The following SSH2 variants were observed in gnomAD, a reference collection of about 807,000 sequenced individuals.
SSH2 encodes protein phosphatase Slingshot homolog 2.
SSH2 carries 37 observed loss-of-function variants against 135.2 expected under a neutral mutation model. The observed-to-expected ratio is 0.27, with a 90% CI of 0.21 to 0.36. The LOEUF (loss-of-function observed/expected upper bound fraction) is 0.36. Ranked by LOEUF, SSH2 falls within the 10% of genes least tolerant of loss-of-function variation. The pLI is 1.00. For missense variants in SSH2, 1,408 were observed against 1,765.3 expected (o/e 0.80, Z 3.63); for synonymous variants, 628 against 646.2 (o/e 0.97, Z 0.43).
chr17:29,747,572 G>A (rs2040803478), intron 3 of SSH2, among the ~76,000 whole-genome samples: 1 of 152,176 alleles, frequency 6.6e-6, no homozygotes, highest in South Asian at 2.1e-4. Flanking sequence ...AGGCCTTGAT[G>A]TTCTTAGCAT....
At position 29,660,269 on chromosome 17, in the gene SSH2, C is replaced by T. The variant is rs910635608; in HGVS notation, c.1033-4662G>A. ...ATTAGGGCCAACTGCCTAACCTCTC[C>T]TTTTTTTTTTTTTTTTAGATTGCAG... On this transcript the variant is annotated intron_variant, in intron 11 of 15. Coordinates refer to ENST00000540801, the MANE Select transcript of SSH2 (RefSeq NM_001282129.2). Among the ~76,000 whole-genome samples, 12 of 140,414 alleles carry T rather than the reference C, an allele frequency of 8.5e-5. No homozygotes were observed. In the East Asian group the frequency reaches 1.7e-3, roughly 19 times the overall value. The allele number at this position is 140,414 out of a possible 152,430, so 92.1% of individuals were successfully genotyped here. A position where few individuals can be genotyped will look rare whatever the true frequency, so the allele number is the denominator to read the frequency against.
intron 3 of SSH2, among the ~76,000 whole-genome samples, chr17:29,724,636 C>G (rs962657736): frequency 8.3e-6 from 1 of 121,196 alleles, no homozygotes; most frequent in African/African-American, 3.3e-5. Flanking sequence ...ATTGCCCAGG[C>G]TGGAGTGCAG....
chr17:29,687,655 C>T (rs1226777905), intron 5 of SSH2, among the ~76,000 whole-genome samples: 2 of 152,166 alleles, frequency 1.3e-5, no homozygotes, highest in African/African-American at 2.4e-5. Context: ...AATCCTGGTG[C>T]AGGTAAACTG....
chr17:29,879,248 G>A (rs905244295), intron 1 of SSH2, among the ~76,000 whole-genome samples: 6 of 151,962 alleles, frequency 3.9e-5, no homozygotes, highest in East Asian at 3.9e-4. Context: ...GGATATACAC[G>A]GACTCAGCCA....
intron 1 of SSH2, among the ~76,000 whole-genome samples, chr17:29,922,191 T>G (rs2066987852): frequency 6.6e-6 from 1 of 152,132 alleles, no homozygotes; most frequent in South Asian, 2.1e-4. Flanking sequence ...CATGTCAGCT[T>G]AACTGTGAGC....
At chr17:29,772,588 G>A (rs1396852187) in intron 3 of SSH2, among the ~76,000 whole-genome samples, 1 of 152,116 alleles carries the variant, frequency 6.6e-6, no homozygotes, top group African/African-American at 2.4e-5. Context: ...CTCTGAGGCT[G>A]TTTCCAGAGA....
intron 1 of SSH2, among the ~76,000 whole-genome samples, chr17:29,898,191 T>G (rs1026466984): frequency 6.6e-6 from 1 of 151,848 alleles, no homozygotes; most frequent in African/African-American, 2.4e-5. Flanking sequence ...GATCTAAAAT[T>G]GACACCCTAA....
chr17:29,653,204 GA>G (rs1598727964), intron 12 of SSH2, among the ~76,000 whole-genome samples: 1 of 152,114 alleles, frequency 6.6e-6, no homozygotes, highest in African/African-American at 2.4e-5. Context: ...AGATTGGATG[GA>G]AATGGCCTTA....
chr17:29,887,779 T>C (rs1032556174), intron 1 of SSH2, among the ~76,000 whole-genome samples: 1 of 152,230 alleles, frequency 6.6e-6, no homozygotes, highest in Non-Finnish European at 1.5e-5. Flanking sequence ...GGTTAGGGAA[T>C]GCTATTACTA....
At chr17:29,729,686 T>C (rs1341859811) in intron 3 of SSH2, among the ~76,000 whole-genome samples, 1 of 152,144 alleles carries the variant, frequency 6.6e-6, no homozygotes, top group African/African-American at 2.4e-5. Flanking sequence ...ATTCATACAA[T>C]GGGGTACTAT....
intron 6 of SSH2, among the ~76,000 whole-genome samples, chr17:29,679,660 C>T (rs2037885397): frequency 2.0e-5 from 3 of 152,314 alleles, no homozygotes; most frequent in Admixed American, 1.3e-4. Context: ...CCCGCCTTGG[C>T]CTCCCAAAGT....
intron 1 of SSH2, among the ~76,000 whole-genome samples, chr17:29,856,799 T>A (rs895754823): frequency 1.3e-5 from 2 of 152,192 alleles, no homozygotes; most frequent in African/African-American, 4.8e-5. Context: ...TGTGTGTAGA[T>A]GTTCTTTCTC....
chr17:29,886,216 C>G (rs565691773), intron 1 of SSH2, among the ~76,000 whole-genome samples: 2 of 152,160 alleles, frequency 1.3e-5, no homozygotes, highest in Admixed American at 1.3e-4. Context: ...ATGGCTTTGA[C>G]CAAAATGCTC....
intron 3 of SSH2, among the ~76,000 whole-genome samples, chr17:29,709,034 A>AGAGAGAGG (rs2039338245): frequency 6.8e-6 from 1 of 146,664 alleles, no homozygotes; most frequent in Non-Finnish European, 1.5e-5. Context: ...AGAGAGAGAG[A>AGAGAGAGG]GAGAGAGAGA....
chr17:29,923,324 A>T (rs181539506), intron 1 of SSH2, among the ~76,000 whole-genome samples: 3 of 152,140 alleles, frequency 2.0e-5, no homozygotes, highest in African/African-American at 7.2e-5. Flanking sequence ...GTAATTTATA[A>T]TAGAAAAAAA....
At chr17:29,834,271 C>T (rs1445947699) in intron 2 of SSH2, among the ~76,000 whole-genome samples, 2 of 151,990 alleles carry the variant, frequency 1.3e-5, no homozygotes, top group East Asian at 1.9e-4. Flanking sequence ...GTTTTTACCT[C>T]TCAAACAGGC....
chr17:29,639,530 C>T (rs2036060593), intron 14 of SSH2: 1 of 152,558 alleles, frequency 6.6e-6, no homozygotes, highest in Non-Finnish European at 1.5e-5. Context: ...TCAGCTCCCC[C>T]TGCCTGTCTG....
At chr17:29,902,934 T>C (rs1226198064) in intron 1 of SSH2, among the ~76,000 whole-genome samples, 2 of 152,022 alleles carry the variant, frequency 1.3e-5, no homozygotes, top group Non-Finnish European at 2.9e-5. Flanking sequence ...ACCTGTAATA[T>C]GAACACTTTG....
intron 2 of SSH2, among the ~76,000 whole-genome samples, chr17:29,812,390 TC>T (rs1328976709): frequency 6.6e-6 from 1 of 151,982 alleles, no homozygotes; most frequent in African/African-American, 2.4e-5. Context: ...CTCACGTGAT[TC>T]TCTCACCTCA....
Sources: gnomAD v4.1 joint callset for allele counts (sites outside exome capture counted in the v4.1 genomes callset) on GRCh38, gnomAD v4.1.1 for gene constraint, MANE v1.5 for transcripts, NCBI Gene and HGNC (gene_info 2026-07-23, HGNC 2026-07-21) for gene names.